The following SRRM4 variants were observed in gnomAD, a reference collection of about 807,000 sequenced individuals.
SRRM4 encodes serine/arginine repetitive matrix 4.
In SRRM4, 33 loss-of-function variants were observed where a neutral mutation model predicts 68.9. That is an observed-to-expected ratio of 0.48 (90% CI 0.36 to 0.64). The LOEUF is 0.64. Among genes scored for constraint, SRRM4 ranks in the 30% least tolerant of loss-of-function variants. SRRM4 has a pLI of 0.00. For synonymous variants in SRRM4, 318 were observed against 318.8 expected, an observed-to-expected ratio of 1.00 and a Z score of 0.03; for missense variants, 817 against 827.1, an observed-to-expected ratio of 0.99 and a Z score of 0.15.
chr12:118,996,121 A>G (rs941051728), intron 1 of SRRM4, among the ~76,000 whole-genome samples: 4 of 152,064 alleles, frequency 2.6e-5, no homozygotes, highest in Admixed American at 2.0e-4. Context: ...AGATTTATTT[A>G]TTTCATTCAA....
At chr12:119,120,219 CT>C in intron 4 of SRRM4, 30 bp from the exon 5 acceptor site, 1 of 1,463,596 alleles carries the variant, frequency 6.8e-7, no homozygotes, top group Non-Finnish European at 9.2e-7. Context: ...TTTGATTCTT[CT>C]TTTCATTTTT....
chr12:119,027,288 T>A (rs1178445907), intron 1 of SRRM4, among the ~76,000 whole-genome samples: 5 of 152,214 alleles, frequency 3.3e-5, no homozygotes, highest in Admixed American at 3.3e-4. Context: ...GGGCTTTCTG[T>A]TTCTAAACTC....
intron 1 of SRRM4, among the ~76,000 whole-genome samples, chr12:119,056,298 T>C (rs1170034622): frequency 3.3e-5 from 5 of 152,188 alleles, no homozygotes; most frequent in Admixed American, 2.6e-4. Context: ...GAGATGTCAT[T>C]TGATGTCAGC....
intron 1 of SRRM4, among the ~76,000 whole-genome samples, chr12:119,070,465 C>T (rs1451684499): frequency 6.6e-6 from 1 of 152,088 alleles, no homozygotes; most frequent in African/African-American, 2.4e-5. Context: ...GCTATTTCAG[C>T]TTTTGCCTTG....
chr12:119,032,500 T>C (rs536215312), intron 1 of SRRM4, among the ~76,000 whole-genome samples: 90 of 152,328 alleles, frequency 5.9e-4, no homozygotes, highest in African/African-American at 2.1e-3. Context: ...TATTTTTTCT[T>C]ATTTGACTTT....
intron 1 of SRRM4, among the ~76,000 whole-genome samples, chr12:119,046,620 C>G (rs1376646399): frequency 2.6e-5 from 4 of 152,124 alleles, no homozygotes; most frequent in Non-Finnish European, 5.9e-5. Flanking sequence ...GCAGCAAAAC[C>G]AGAATCAGAA....
intron 2 of SRRM4, 139 bp downstream of exon 2, chr12:119,102,521 C>T (rs550475810): frequency 3.2e-5 from 22 of 678,884 alleles, no homozygotes; most frequent in South Asian, 5.7e-5. Context: ...CGTAGAGGAA[C>T]AAATCAGAAA....
intron 1 of SRRM4, among the ~76,000 whole-genome samples, chr12:119,052,135 T>C (rs1390635872): frequency 2.0e-5 from 3 of 152,214 alleles, no homozygotes; most frequent in South Asian, 2.1e-4. Flanking sequence ...TCAGATGCAA[T>C]GCGCCCAATT....
At chr12:119,141,957 C>T (rs868023579) in intron 8 of SRRM4, among the ~76,000 whole-genome samples, 4 of 152,120 alleles carry the variant, frequency 2.6e-5, no homozygotes, top group African/African-American at 9.7e-5. Context: ...GATAGGACAC[C>T]TGGAGGATGA....
intron 1 of SRRM4, among the ~76,000 whole-genome samples, chr12:119,021,579 T>C (rs181400661): frequency 6.6e-6 from 1 of 152,352 alleles, no homozygotes; most frequent in East Asian, 1.9e-4. Context: ...ATGTGCATTT[T>C]GAGGAGGTGC....
rs560259190 is a variant in SRRM4 at position 119,107,333 on chromosome 12, T to A, written c.278+4951T>A. ...TGGTATCAGGATGATGCTGGCTTCA[T>A]AAAATGAGTTAGGGAGGATTCCCTC... On this transcript the variant is annotated intron_variant, in intron 2 of 12. Transcript: ENST00000267260. Among the ~76,000 whole-genome samples the A allele has an allele frequency of 3.0e-4, 45 of 152,226 alleles. 1 individual carries two copies. Among genetic ancestry groups the A allele is most frequent in the Non-Finnish European group, 5.6e-4 (38 of 68,038 alleles).
intron 8 of SRRM4, among the ~76,000 whole-genome samples, chr12:119,134,265 T>C (rs1022610223): frequency 3.3e-5 from 5 of 151,990 alleles, no homozygotes; most frequent in African/African-American, 1.2e-4. Flanking sequence ...CCTGAGGCTC[T>C]CTTGCTTGGT....
chr12:119,027,686 G>T (rs757225130), intron 1 of SRRM4, among the ~76,000 whole-genome samples: 1 of 152,110 alleles, frequency 6.6e-6, no homozygotes, highest in Non-Finnish European at 1.5e-5. Context: ...TAGACAGTGG[G>T]CAAGTATTCT....
intron 4 of SRRM4, among the ~76,000 whole-genome samples, chr12:119,118,041 G>C (rs1374806884): frequency 1.3e-5 from 2 of 152,324 alleles, no homozygotes; most frequent in Admixed American, 1.3e-4. Context: ...TAGTTCCTCT[G>C]TAGAGTCAGA....
At chr12:119,084,472 C>G (rs1343262366) in intron 1 of SRRM4, among the ~76,000 whole-genome samples, 1 of 152,228 alleles carries the variant, frequency 6.6e-6, no homozygotes, top group Non-Finnish European at 1.5e-5. Flanking sequence ...TCCCAGTGTA[C>G]TGAGATTCAG....
intron 1 of SRRM4, among the ~76,000 whole-genome samples, chr12:119,045,613 GC>G (rs1260311661): frequency 2.0e-5 from 3 of 151,998 alleles, no homozygotes; most frequent in Non-Finnish European, 2.9e-5. Context: ...TGTCTCTAAT[GC>G]CGATTCCAGG....
intron 1 of SRRM4, among the ~76,000 whole-genome samples, chr12:118,982,849 G>T (rs767630657): frequency 1.3e-5 from 2 of 151,926 alleles, no homozygotes; most frequent in Non-Finnish European, 2.9e-5. Flanking sequence ...GGGGGAAAAT[G>T]GAAGCATTCC....
chr12:118,998,734 G>A (rs1286248490), intron 1 of SRRM4, among the ~76,000 whole-genome samples: 8 of 152,190 alleles, frequency 5.3e-5, no homozygotes, highest in African/African-American at 1.4e-4. Flanking sequence ...TAAACAATTA[G>A]GTTGATCAAT....
chr12:119,095,753 G>C (rs1210546633), intron 1 of SRRM4, among the ~76,000 whole-genome samples: 1 of 151,880 alleles, frequency 6.6e-6, no homozygotes, highest in South Asian at 2.1e-4. Flanking sequence ...GATTCCCCCT[G>C]TACCTCCACT....
Sources: gnomAD v4.1 joint callset for allele counts (sites outside exome capture counted in the v4.1 genomes callset) on GRCh38, gnomAD v4.1.1 for gene constraint, MANE v1.5 for transcripts, NCBI Gene and HGNC (gene_info 2026-07-23, HGNC 2026-07-21) for gene names.